Variants in SDK1 observed in about 807,000 individuals in gnomAD.
The protein encoded by SDK1 is protein sidekick-1.
In SDK1, 157 loss-of-function variants were observed where a neutral mutation model predicts 245.5. The ratio of observed to expected loss-of-function variants is 0.64; its 90% CI spans 0.56 to 0.73. The LOEUF (loss-of-function observed/expected upper bound fraction) is 0.73. Ranked by LOEUF, SDK1 falls within the 30% of genes least tolerant of loss-of-function variation. The probability of loss-of-function intolerance (pLI) is 0.00; values close to 1 mark genes in which losing one functional copy is unlikely to be tolerated. For synonymous variants in SDK1, 1,647 were observed against 1,278.5 expected (o/e 1.29, Z -6.15); for missense variants, 3,583 against 3,002.3 (o/e 1.19, Z -4.52).
intron 4 of SDK1, among the ~76,000 whole-genome samples, chr7:3,751,162 C>A (rs1360731460): frequency 1.3e-5 from 2 of 152,326 alleles, no homozygotes; most frequent in South Asian, 4.1e-4. Context: ...GCTCTTGCTC[C>A]TGGCATTACA....
rs571009040 is a variant in SDK1 at position 4,145,459 on chromosome 7, G to A, written c.4229-263G>A. Among the ~76,000 whole-genome samples the A allele has an allele frequency of 5.9e-5, 9 of 152,220 alleles. No individual in the cohort carries two copies. The South Asian group carries it at 1.5e-3, about 25-fold the overall frequency. Reference sequence around the variant, plus strand: ...CCTGTGGCATGCTCGCCTCGTGCCCGCATCCTAAGGAAAGATGAACCCGTG... The same window carrying A: ...CCTGTGGCATGCTCGCCTCGTGCCCACATCCTAAGGAAAGATGAACCCGTG... On this transcript the variant is annotated intron_variant, in intron 28 of 44. Transcript: ENST00000404826.
intron 4 of SDK1, among the ~76,000 whole-genome samples, chr7:3,698,535 G>A (rs1194024601): frequency 2.0e-5 from 3 of 152,136 alleles, no homozygotes; most frequent in Non-Finnish European, 2.9e-5. Context: ...GGCGTATAAG[G>A]AGCAGTCACA....
At chr7:4,098,824 CTTTTTTTTTTTTTTTT>C (rs58678214) in intron 22 of SDK1, among the ~76,000 whole-genome samples, 1 of 82,852 alleles carries the variant, frequency 1.2e-5, no homozygotes, top group Non-Finnish European at 2.1e-5. Context: ...CCACAATGCC[CTTTTTTTTTTTTTTTT>C]TTTTTTTTTT....
intron 4 of SDK1, among the ~76,000 whole-genome samples, chr7:3,778,337 C>G (rs943708625): frequency 2.0e-5 from 3 of 152,106 alleles, no homozygotes; most frequent in African/African-American, 7.2e-5. Context: ...TTAGAAAATG[C>G]CCTCATGGCT....
intron 4 of SDK1, among the ~76,000 whole-genome samples, chr7:3,780,024 C>A (rs950039129): frequency 2.0e-5 from 3 of 152,114 alleles, no homozygotes; most frequent in African/African-American, 4.8e-5. Context: ...CTCCCCTGAC[C>A]CCCACACACC....
At chr7:3,986,551 G>A (rs916763270) in intron 13 of SDK1, among the ~76,000 whole-genome samples, 1 of 152,206 alleles carries the variant, frequency 6.6e-6, no homozygotes, top group South Asian at 2.1e-4. Flanking sequence ...TGTTGACCAC[G>A]TTTTCTCAAT....
At chr7:4,035,691 C>G (rs1788157269) in intron 17 of SDK1, among the ~76,000 whole-genome samples, 1 of 152,066 alleles carries the variant, frequency 6.6e-6, no homozygotes, top group South Asian at 2.1e-4. Context: ...ACTGAGCTTC[C>G]TAGTAACAGA....
At chr7:3,393,074 G>A (rs1037349658) in intron 1 of SDK1, among the ~76,000 whole-genome samples, 1 of 147,944 alleles carries the variant, frequency 6.8e-6, no homozygotes, top group African/African-American at 2.5e-5. Flanking sequence ...AGGTTCAAGC[G>A]ATTGTCCTGT....
At chr7:3,582,682 G>GAAAAAAAAAAAAAAAAAA (rs1780545187) in intron 1 of SDK1, among the ~76,000 whole-genome samples, 1 of 13,570 alleles carries the variant, frequency 7.4e-5, no homozygotes, top group Non-Finnish European at 1.3e-4. Context: ...CTAAACTAAA[G>GAAAAAAAAAAAAAAAAAA]TAAAAAAAAA....
rs745507043 is a variant in SDK1, at chr7:3,892,059, C to T, written c.848-58864C>T. Reference sequence around the variant, plus strand: ...TTCTTTTTTCTTTTTCTTTTTTTGCCGGGTGTTTTAACACTGCATATCTTG... The same window carrying T: ...TTCTTTTTTCTTTTTCTTTTTTTGCTGGGTGTTTTAACACTGCATATCTTG... On this transcript the variant is annotated intron_variant, in intron 5 of 44. Coordinates refer to ENST00000404826, the MANE Select transcript of SDK1 (RefSeq NM_152744.4). Among the ~76,000 whole-genome samples, 20 of 151,702 alleles carry T rather than the reference C, an allele frequency of 1.3e-4. 1 individual carries two copies. Among genetic ancestry groups the T allele is most frequent in the Admixed American group, 1.2e-3 (18 of 15,234 alleles).
chr7:3,987,467 C>A (rs1783949184), intron 14 of SDK1, 145 bp downstream of exon 14: 2 of 847,548 alleles, frequency 2.4e-6, no homozygotes, highest in Non-Finnish European at 3.7e-6. Context: ...ACACAGCCTG[C>A]CCTTTAGGAA....
intron 1 of SDK1, among the ~76,000 whole-genome samples, chr7:3,553,111 C>G (rs1400527931): frequency 6.6e-6 from 1 of 151,962 alleles, no homozygotes; most frequent in African/African-American, 2.4e-5. Context: ...CTGGTCTTTC[C>G]TATTCATATA....
intron 4 of SDK1, among the ~76,000 whole-genome samples, chr7:3,712,224 C>G (rs1199481303): frequency 6.6e-6 from 1 of 152,140 alleles, no homozygotes; most frequent in African/African-American, 2.4e-5. Flanking sequence ...TGAGCCCCAC[C>G]TCCTGTCAGA....
At position 3,637,072 on chromosome 7, in the gene SDK1, A is replaced by AGT. The variant is rs1331982947; in HGVS notation, c.459-1931_459-1930insTG. Among the ~76,000 whole-genome samples, 265 of 149,204 alleles carry AGT rather than the reference A, an allele frequency of 1.8e-3. 1 individual carries two copies. The highest frequency in any genetic ancestry group is 3.4e-3 in the Middle Eastern group (1 of 292). On this transcript the variant is annotated intron_variant, in intron 2 of 44. Coordinates refer to ENST00000404826, the MANE Select transcript of SDK1 (RefSeq NM_152744.4). ...CTGATGCAGAGAGAGAGAGAGAGAGAGAGTGCGTGCGCGCGTGTGTGTGTG... is the reference window on the plus strand; with the variant it reads ...CTGATGCAGAGAGAGAGAGAGAGAGAGTGAGTGCGTGCGCGCGTGTGTGTGTG...
chr7:3,785,700 T>C (rs1431358850), intron 4 of SDK1, among the ~76,000 whole-genome samples: 1 of 152,154 alleles, frequency 6.6e-6, no homozygotes, highest in Non-Finnish European at 1.5e-5. Flanking sequence ...TTTAGGCATT[T>C]ATTTAAAAAA....
intron 1 of SDK1, among the ~76,000 whole-genome samples, chr7:3,469,750 G>C (rs959530198): frequency 1.3e-5 from 2 of 152,118 alleles, no homozygotes; most frequent in Admixed American, 6.5e-5. Flanking sequence ...ATCTGCCTTA[G>C]TGAGGCCCCT....
intron 1 of SDK1, among the ~76,000 whole-genome samples, chr7:3,322,284 AGGTTCATCTG>A (rs1779837091): frequency 6.6e-6 from 1 of 152,100 alleles, no homozygotes; most frequent in Non-Finnish European, 1.5e-5. Flanking sequence ...GTGATGTTTG[AGGTTCATCTG>A]GGTTGTGTTT....
chr7:3,316,468 T>C (rs553940843), intron 1 of SDK1, among the ~76,000 whole-genome samples: 12 of 152,332 alleles, frequency 7.9e-5, no homozygotes, highest in African/African-American at 2.6e-4. Context: ...GTTCGCACAA[T>C]GACAGAATTG....
At chr7:3,628,909 G>A (rs1470547408) in intron 2 of SDK1, among the ~76,000 whole-genome samples, 2 of 152,136 alleles carry the variant, frequency 1.3e-5, no homozygotes, top group Non-Finnish European at 2.9e-5. Flanking sequence ...GAAAACCCAG[G>A]CAGAACCTAG....
Sources: gnomAD v4.1 joint callset for allele counts (sites outside exome capture counted in the v4.1 genomes callset) on GRCh38, gnomAD v4.1.1 for gene constraint, MANE v1.5 for transcripts, NCBI Gene and HGNC (gene_info 2026-07-23, HGNC 2026-07-21) for gene names.